NAALADL2: variants seen among roughly 807,000 people sequenced by gnomAD.
NAALADL2 encodes N-acetylated alpha-linked acidic dipeptidase like 2, also known as inactive N-acetylated-alpha-linked acidic dipeptidase-like protein 2.
In NAALADL2, 76 loss-of-function variants were observed where a neutral mutation model predicts 87.2. The observed-to-expected ratio is 0.87, with a 90% CI of 0.72 to 1.05. The LOEUF is 1.05. NAALADL2 is among the 50% of genes least tolerant of loss of function. The pLI, the probability that NAALADL2 is intolerant of heterozygous loss-of-function variation, is 0.00. For synonymous variants in NAALADL2, 354 were observed against 331.0 expected, an observed-to-expected ratio of 1.07 and a Z score of -0.75; for missense variants, 1,089 against 945.8, an observed-to-expected ratio of 1.15 and a Z score of -1.99.
chr3:174,603,741 T>C (rs1578278920), intron 2 of NAALADL2, among the ~76,000 whole-genome samples: 2 of 152,058 alleles, frequency 1.3e-5, no homozygotes, highest in Non-Finnish European at 2.9e-5. Context: ...TTAGTACTGA[T>C]TTTGCTGTAT....
chr3:174,722,821 A>G (rs1329964920), intron 2 of NAALADL2, among the ~76,000 whole-genome samples: 5 of 152,260 alleles, frequency 3.3e-5, no homozygotes. Context: ...CTTTAAATTT[A>G]AAAACAACAT....
At chr3:175,527,999 A>G (rs536990183) in intron 9 of NAALADL2, among the ~76,000 whole-genome samples, 1 of 151,990 alleles carries the variant, frequency 6.6e-6, no homozygotes, top group Non-Finnish European at 1.5e-5. Flanking sequence ...AAGAGATGGC[A>G]CTCTGTACAG....
chr3:174,786,345 G>A (rs1716642598), intron 3 of NAALADL2, among the ~76,000 whole-genome samples: 1 of 151,584 alleles, frequency 6.6e-6, no homozygotes, highest in Non-Finnish European at 1.5e-5. Flanking sequence ...CCGATACTCG[G>A]GAGGCTGAGG....
intron 2 of NAALADL2, among the ~76,000 whole-genome samples, chr3:174,667,013 CCTT>C (rs1726014143): frequency 6.6e-6 from 1 of 152,066 alleles, no homozygotes; most frequent in Non-Finnish European, 1.5e-5. Flanking sequence ...GACAAGATGG[CCTT>C]CTTTCTTAAG....
At chr3:175,620,709 C>T (rs879311743) in intron 10 of NAALADL2, among the ~76,000 whole-genome samples, 19 of 152,190 alleles carry the variant, frequency 1.2e-4, no homozygotes, top group Non-Finnish European at 2.4e-4. Context: ...TTGTTCTTAC[C>T]ACCTGGAACG....
chr3:175,472,625 C>A (rs574594983), intron 9 of NAALADL2, among the ~76,000 whole-genome samples: 1 of 152,184 alleles, frequency 6.6e-6, no homozygotes, highest in South Asian at 2.1e-4. Context: ...TTTGAATGAG[C>A]CATAATTTTT....
At chr3:174,854,805 T>C (rs1299032566), upstream of NAALADL2, among the ~76,000 whole-genome samples, 1 of 151,440 alleles carries the variant, frequency 6.6e-6, no homozygotes, top group East Asian at 1.9e-4. Context: ...TTACGTACTT[T>C]ACATAATTGT....
At chr3:174,696,223 TTAA>T (rs1728998144) in intron 2 of NAALADL2, among the ~76,000 whole-genome samples, 1 of 152,024 alleles carries the variant, frequency 6.6e-6, no homozygotes, top group Non-Finnish European at 1.5e-5. Context: ...TACTTATAAA[TTAA>T]TATTATAAAG....
At chr3:175,334,783 G>A (rs1406054943) in intron 5 of NAALADL2, among the ~76,000 whole-genome samples, 1 of 152,132 alleles carries the variant, frequency 6.6e-6, no homozygotes, top group African/African-American at 2.4e-5. Context: ...GGAAAACAGG[G>A]AGCACAGCAG....
rs148967957 is a variant in NAALADL2 at position 175,582,730 on chromosome 3, T to A, written c.1800+6543T>A. The stretch of plus-strand genomic sequence containing the variant: ...AAACATGCCCCTCTTTCTCTCAAAG[T>A]GGTCACAGTCTAGATTCAAACTCAG... On this transcript the variant is annotated intron_variant, in intron 10 of 13. Transcript: ENST00000454872. Among the ~76,000 whole-genome samples, 925 of 152,292 alleles carry A rather than the reference T, an allele frequency of 6.1e-3. 8 individuals are homozygous for A. Among genetic ancestry groups the A allele is most frequent in the African/African-American group, 0.021 (876 of 41,564 alleles).
chr3:175,460,414 T>G (rs1722938574), intron 6 of NAALADL2, among the ~76,000 whole-genome samples: 1 of 152,196 alleles, frequency 6.6e-6, no homozygotes, highest in Non-Finnish European at 1.5e-5. Flanking sequence ...TGACCTAGTC[T>G]TTGCCTAGTG....
chr3:174,441,131 C>G (rs1037121394), intron 1 of NAALADL2: 1 of 152,330 alleles, frequency 6.6e-6, no homozygotes, highest in Non-Finnish European at 1.5e-5. Context: ...CCTTGCTCCT[C>G]CGTCCTACCC....
chr3:174,987,336 G>A (rs1746013016), intron 1 of NAALADL2, among the ~76,000 whole-genome samples: 1 of 151,590 alleles, frequency 6.6e-6, no homozygotes, highest in African/African-American at 2.4e-5. Context: ...TTGGGAGGCC[G>A]AGGCGGGCGG....
In NAALADL2 at chr3:174,768,643, T is replaced by C. The variant is rs140421629; in HGVS notation, c.-9+30897T>C. ...AAATTAGGCAGATTATACCTTTTTG[T>C]CTATGACATGAGCAGATTATAAAAT... is the stretch of plus-strand genomic sequence containing the variant. On this transcript the variant is annotated intron_variant, in intron 3 of 3. Coordinates refer to the NAALADL2 transcript ENST00000434257. Among the ~76,000 whole-genome samples the C allele has an allele frequency of 8.4e-3, 1,283 of 152,288 alleles. 3 individuals are homozygous for C. The highest frequency in any genetic ancestry group is 0.018 in the African/African-American group (758 of 41,586).
chr3:175,766,818 G>A (rs1485059708), intron 13 of NAALADL2, among the ~76,000 whole-genome samples: 1 of 152,118 alleles, frequency 6.6e-6, no homozygotes, highest in East Asian at 1.9e-4. Flanking sequence ...GTGTTTAGGA[G>A]ATGAAATGCT....
At chr3:175,567,559 A>G (rs1005133585) in intron 9 of NAALADL2, among the ~76,000 whole-genome samples, 4 of 152,182 alleles carry the variant, frequency 2.6e-5, no homozygotes, top group Non-Finnish European at 5.9e-5. Flanking sequence ...CAATTTGGCA[A>G]TGCTACTTGT....
chr3:175,539,296 T>C (rs1484716815), intron 9 of NAALADL2, among the ~76,000 whole-genome samples: 1 of 152,170 alleles, frequency 6.6e-6, no homozygotes, highest in Non-Finnish European at 1.5e-5. Flanking sequence ...ACAGTAAAGT[T>C]GAACACCACC....
intron 1 of NAALADL2, among the ~76,000 whole-genome samples, chr3:174,530,188 T>G (rs1006460281): frequency 6.6e-6 from 1 of 152,136 alleles, no homozygotes; most frequent in Non-Finnish European, 1.5e-5. Flanking sequence ...CTCTAAATTA[T>G]CTCTCTCAAG....
At chr3:175,531,328 G>A (rs987303014) in intron 9 of NAALADL2, among the ~76,000 whole-genome samples, 1 of 152,062 alleles carries the variant, frequency 6.6e-6, no homozygotes, top group Non-Finnish European at 1.5e-5. Context: ...CCTCACCTTA[G>A]AAGTAATATC....
Sources: allele counts gnomAD v4.1 joint callset (sites outside exome capture counted in the v4.1 genomes callset), GRCh38; gene constraint gnomAD v4.1.1; transcripts MANE v1.5; gene names NCBI Gene and HGNC (gene_info 2026-07-23, HGNC 2026-07-21).